LZTS3: variants seen among roughly 807,000 people sequenced by gnomAD.
The protein encoded by LZTS3 is leucine zipper putative tumor suppressor 3.
A neutral mutation model predicts 50.9 loss-of-function variants in LZTS3; 16 were observed. That is an observed-to-expected ratio of 0.31 (90% CI 0.21 to 0.48). The LOEUF is 0.48. Ranked by LOEUF, LZTS3 falls within the 20% of genes least tolerant of loss-of-function variation. The pLI is 0.99. For missense variants in LZTS3, 816 were observed against 931.0 expected (o/e 0.88, Z 1.61); for synonymous variants, 408 against 410.6 (o/e 0.99, Z 0.08).
In LZTS3 at chr20:3,171,662, CAA is replaced by C. The variant is rs35361315; in HGVS notation, c.-243+1791_-243+1792del. Among the ~76,000 whole-genome samples, 609 of 108,268 alleles carry C rather than the reference CAA, an allele frequency of 5.6e-3. 5 individuals carry two copies. The highest frequency in any genetic ancestry group is 0.016 in the African/African-American group (477 of 29,784). The allele number at this position is 108,268 out of a possible 152,430, so 71.0% of individuals were successfully genotyped here. A position where few individuals can be genotyped will look rare whatever the true frequency, so the allele number is the denominator to read the frequency against. ...TGGGCAACGGAGTGAGATACCCCCT[CAA>C]AAAAAAAAAAAAAAAAATCCCAGCA... On this transcript the variant is annotated intron_variant, in intron 1 of 4. Transcript: ENST00000337576.
In LZTS3 at chr20:3,165,371, T is replaced by C. The variant is rs73573817; in HGVS notation, c.1323+126A>G. On this transcript the variant is annotated intron_variant, in intron 4 of 4. Coordinates refer to ENST00000337576, the MANE Select transcript of LZTS3 (RefSeq NM_001365618.1). The surrounding 1 kb of genome is among the most constrained non-coding windows in gnomAD (Gnocchi z 5.0). ...CCTCACAGACACTCCCAATTGATTT[T>C]TGTCCCCCCTGCTCCTTTCATCCCC... 1.6e-3 allele frequency: 2,213 copies of C among 1,407,118 alleles called. 37 individuals carry two copies. In the African/African-American group the frequency reaches 0.029, roughly 19 times the overall value. 87.2% of individuals were successfully genotyped at this position (1,407,118 alleles called of 1,614,324 possible).
In LZTS3 at chr20:3,164,222, C is replaced by T; in HGVS notation, c.*232G>A. 1 of 446,388 alleles carries T rather than the reference C, an allele frequency of 2.2e-6. No individual in the cohort carries two copies. Among genetic ancestry groups the T allele is most frequent in the East Asian group, 3.6e-5 (1 of 27,884 alleles). The allele number at this position is 446,388 out of a possible 1,614,324, so 27.7% of individuals were successfully genotyped here. A position where few individuals can be genotyped will look rare whatever the true frequency, so the allele number is the denominator to read the frequency against. On this transcript the variant is annotated 3_prime_UTR_variant, in exon 5 of 5. Transcript: ENST00000337576. ...CACCACCTAGGATTGCCCCCACTCACCCTGCCCTCCTCCTATTCCCTCCTT... is the reference window on the plus strand; with the variant it reads ...CACCACCTAGGATTGCCCCCACTCATCCTGCCCTCCTCCTATTCCCTCCTT...
intron 1 of LZTS3, among the ~76,000 whole-genome samples, chr20:3,172,973 G>A (rs1456256657): frequency 1.3e-5 from 2 of 148,462 alleles, no homozygotes; most frequent in African/African-American, 4.9e-5. Flanking sequence ...TGAAGCCAGT[G>A]TTTCAGGACT....
rs2066794130 is a variant in LZTS3 at position 3,165,288 on chromosome 20, C to A, written c.1324-136G>T. On this transcript the variant is annotated intron_variant, in intron 4 of 4. Coordinates refer to ENST00000337576, the MANE Select transcript of LZTS3 (RefSeq NM_001365618.1). This position sits in a 1 kb window ranked among gnomAD's most constrained non-coding sequence, Gnocchi z 5.0. The stretch of plus-strand genomic sequence containing the variant: ...TCAGCCCCTCATCAGCAGCGACGCA[C>A]CCGATTCCCTGCCTGGACTCAAGAT... 8.6e-7 allele frequency: 1 copy of A among 1,166,578 alleles called. No individual in the cohort carries two copies. The highest frequency in any genetic ancestry group is 2.9e-5 in the Admixed American group (1 of 34,192). 72.3% of individuals were successfully genotyped at this position (1,166,578 alleles called of 1,614,324 possible).
At position 3,166,452 on chromosome 20, in the gene LZTS3, C is replaced by T. The variant is rs946607551; in HGVS notation, c.460-92G>A. 3.5e-6 allele frequency: 5 copies of T among 1,423,132 alleles called. No individual in the cohort carries two copies. In the African/African-American group the frequency reaches 5.7e-5, roughly 16 times the overall value. 88.2% of individuals were successfully genotyped at this position (1,423,132 alleles called of 1,614,324 possible). On this transcript the variant is annotated intron_variant, in intron 3 of 4. Coordinates refer to ENST00000337576, the MANE Select transcript of LZTS3 (RefSeq NM_001365618.1). Reference sequence around the variant, plus strand: ...TCTGGCCAAGACTTGTCCAGCCCCACCTCCCACCCCTACTGGATTTCCACC... The same window carrying T: ...TCTGGCCAAGACTTGTCCAGCCCCATCTCCCACCCCTACTGGATTTCCACC...
In LZTS3 at chr20:3,166,022, C is replaced by T. The variant is rs1178829533; in HGVS notation, c.798G>A (p.Gly266=). The T allele has an allele frequency of 5.0e-6, 8 of 1,612,596 alleles. No homozygotes were observed. Among genetic ancestry groups the T allele is most frequent in the African/African-American group, 4.0e-5 (3 of 74,956 alleles). The change falls in exon 4 of 5, where the codon GGG becomes GGA. Residue 266 remains glycine, a synonymous_variant. Transcript: ENST00000337576. ...TCCCCAGGTCCTGGTAGCCCGACCC[C>T]CCACCGCTGCTGCCGCCACTACCAC... is the stretch of plus-strand genomic sequence containing the variant. ...YGSGSGGSSG[G]GSGYQDLGTS...
chr20:3,164,306 G>A lies in LZTS3; in HGVS notation c.*148C>T, dbSNP rs2066772498. ...GTGCTGGAGCTAGGAGGGCAGGTGG[G>A]GAGGGAGGAACCTGGTCACAGCTGC... is the stretch of plus-strand genomic sequence containing the variant. On this transcript the variant is annotated 3_prime_UTR_variant, in exon 5 of 5. Transcript: ENST00000337576. The A allele has an allele frequency of 2.5e-6, 2 of 814,202 alleles. No individual in the cohort carries two copies. The highest frequency in any genetic ancestry group is 3.5e-6 in the Non-Finnish European group (2 of 566,190). 50.4% of individuals were successfully genotyped at this position (814,202 alleles called of 1,614,324 possible).
Position 3,165,034 on chromosome 20 carries a change from C to T in LZTS3, c.1442G>A (p.Arg481Gln). Residue 481 changes from arginine to glutamine, a missense_variant, in exon 5 of 5, where the codon CGG (arginine) becomes CAG (glutamine). Coordinates refer to ENST00000337576, the MANE Select transcript of LZTS3 (RefSeq NM_001365618.1). This position sits in a 1 kb window ranked among gnomAD's most constrained non-coding sequence, Gnocchi z 5.0. ...CTCCTCCTTCTCCCGCAGCGAAGCC[C>T]GGCCCTCCCGCAGCTGCGAGCGCAG... The part of the protein sequence containing the change: ...VGLRSQLREG[R>Q]ASLREKEEQL... The T allele has an allele frequency of 6.4e-7, 1 of 1,567,008 alleles. No homozygotes were observed. The highest frequency in any genetic ancestry group is 8.6e-7 in the Non-Finnish European group (1 of 1,157,288).
Position 3,166,303 on chromosome 20 carries a change from G to A in LZTS3, c.517C>T (p.His173Tyr), listed in dbSNP as rs747119980. The A allele has an allele frequency of 9.9e-6, 16 of 1,613,908 alleles. No individual in the cohort carries two copies. The African/African-American group carries it at 1.6e-4, about 16-fold the overall frequency. Residue 173 changes from histidine to tyrosine, a missense_variant, in exon 4 of 5, where the codon CAC becomes TAC. Transcript: ENST00000337576. ...GGGGGGCACAAATTCTGCATGGAGT[G>A]GAAATTCTTGGGTACGACAGGCTTG... ...AFKPVVPKNF[H>Y]SMQNLCPPQT...
rs201318288 is a variant in LZTS3 at position 3,166,826 on chromosome 20, C to T, written c.338G>A (p.Gly113Asp). Residue 113 changes from glycine (G) to aspartate (D), a missense_variant, in exon 3 of 5, where the codon GGC becomes GAC. Physicochemically the swap from Gly to Asp is moderately conservative, Grantham distance 94 (BLOSUM62 -1). Transcript: ENST00000337576. The part of the protein sequence containing the change: ...LRGSDHTDVC[G>D]NVVGSSGGSS... ...GCCTCCGCTGCTGCCAACCACGTTG[C>T]CACAGACATCGGTGTGGTCACTGCC... 1.8e-5 allele frequency: 29 copies of T among 1,613,770 alleles called. No individual in the cohort carries two copies. Among genetic ancestry groups the T allele is most frequent in the Non-Finnish European group, 2.3e-5 (27 of 1,180,018 alleles).
Position 3,165,671 on chromosome 20 carries a change from CTGGGCACGT to C in LZTS3, c.1140_1148del (p.Arg384_Gln386del). 1 of 1,586,626 alleles carries C rather than the reference CTGGGCACGT, an allele frequency of 6.3e-7. No homozygotes were observed. The stretch of plus-strand genomic sequence containing the variant: ...GCAGCTGTAGGCCCTGCTGGGCGCG[CTGGGCACGT>C]CGGGCCACCTGCTGTAGCTTCCCGC... On this transcript the variant is annotated inframe_deletion, in exon 4 of 5. Transcript: ENST00000337576. This position sits in a 1 kb window ranked among gnomAD's most constrained non-coding sequence, Gnocchi z 5.0.
rs909031690 is a variant in LZTS3 at position 3,167,420 on chromosome 20, C to T, written c.-18-239G>A. ...AACCCCCAGGGCTCCATGCACATAG[C>T]CCCCAGCGTTGCTCAGCTCAGCTCA... is the stretch of plus-strand genomic sequence containing the variant. On this transcript the variant is annotated intron_variant, in intron 2 of 4. Transcript: ENST00000337576. 7 of 996,724 alleles carry T rather than the reference C, an allele frequency of 7.0e-6. 1 individual carries two copies. Among genetic ancestry groups the T allele is most frequent in the South Asian group, 7.5e-5 (2 of 26,666 alleles). 61.7% of individuals were successfully genotyped at this position (996,724 alleles called of 1,614,324 possible).
At position 3,164,692 on chromosome 20, in the gene LZTS3, C is replaced by T. The variant is rs749165745; in HGVS notation, c.1784G>A (p.Gly595Asp). 1 of 1,586,812 alleles carries T rather than the reference C, an allele frequency of 6.3e-7. No homozygotes were observed. ...GCGGCGCTCCTCGGCGAAGCTGGCA[C>T]CCTGGCGCTCCCGGGCCCGCCGCTC... ...AAERRARERQGASFAEERRVW... is the reference protein window; with the variant it reads ...AAERRARERQDASFAEERRVW... Residue 595 changes from glycine (G) to aspartate (D), a missense_variant, in exon 5 of 5, where the codon GGT (glycine) becomes GAT (aspartate). Gly to Asp is a moderately conservative substitution (Grantham distance 94). Coordinates refer to ENST00000337576, the MANE Select transcript of LZTS3 (RefSeq NM_001365618.1).
intron 2 of LZTS3, chr20:3,167,430 TGCTCAGCTCAGCTCAGCTCA>T (rs112333966): frequency 2.5e-6 from 3 of 1,213,372 alleles, no homozygotes; most frequent in South Asian, 3.6e-5. Context: ...CCCCCAGCGT[TGCTCAGCTCAGCTCAGCTCA>T]GCTCAGCTCA....
chr20:3,171,147 A>C (rs1188215662), intron 1 of LZTS3, among the ~76,000 whole-genome samples: 1 of 152,152 alleles, frequency 6.6e-6, no homozygotes, highest in Non-Finnish European at 1.5e-5. Context: ...TATAAGGGGC[A>C]ATACAAACAT....
chr20:3,164,793 C>T lies in LZTS3; in HGVS notation c.1683G>A (p.Glu561=). The change falls in exon 5 of 5, where the codon GAG becomes GAA. Residue 561 remains glutamate, a synonymous_variant. Transcript: ENST00000337576. The part of the protein sequence containing the change: ...AAASLVSVDG[E]AEAGGESGTR... ...TCCCGCTCTCCCCGCCAGCCTCCGCCTCCCCGTCCACGGAAACCAAGGAGG... is the reference window on the plus strand; with the variant it reads ...TCCCGCTCTCCCCGCCAGCCTCCGCTTCCCCGTCCACGGAAACCAAGGAGG... 6.5e-7 allele frequency: 1 copy of T among 1,532,276 alleles called. No individual in the cohort carries two copies. The highest frequency in any genetic ancestry group is 1.4e-5 in the African/African-American group (1 of 71,760). The allele number at this position is 1,532,276 out of a possible 1,614,324, so 94.9% of individuals were successfully genotyped here.
chr20:3,170,486 C>CAAGAAAAAAAA (rs2066888546), intron 1 of LZTS3, among the ~76,000 whole-genome samples: 1 of 72,586 alleles, frequency 1.4e-5, no homozygotes, highest in Admixed American at 1.6e-4. Flanking sequence ...GAGACTACAT[C>CAAGAAAAAAAA]AAAAAAAAAA....
chr20:3,166,817 A>T lies in LZTS3; in HGVS notation c.347T>A (p.Val116Asp). Residue 116 changes from valine to aspartate, a missense_variant, in exon 3 of 5, where the codon GTT (valine) becomes GAT (aspartate). Coordinates refer to ENST00000337576, the MANE Select transcript of LZTS3 (RefSeq NM_001365618.1). ...GCTGCTGCTGCCTCCGCTGCTGCCA[A>T]CCACGTTGCCACAGACATCGGTGTG... is the stretch of plus-strand genomic sequence containing the variant. ...SDHTDVCGNV[V>D]GSSGGSSSSG... 6.2e-7 allele frequency: 1 copy of T among 1,613,916 alleles called. No homozygotes were observed. The highest frequency in any genetic ancestry group is 1.1e-5 in the South Asian group (1 of 91,078).
chr20:3,171,858 G>C (rs1205671010), intron 1 of LZTS3, among the ~76,000 whole-genome samples: 1 of 152,062 alleles, frequency 6.6e-6, no homozygotes. Context: ...TGACTGCCTC[G>C]ATCTCTGTCA....
Sources: gnomAD v4.1 joint callset for allele counts (sites outside exome capture counted in the v4.1 genomes callset) on GRCh38, gnomAD v4.1.1 for gene constraint, Gnocchi (gnomAD v3.1) non-coding constraint, MANE v1.5 for transcripts, NCBI Gene and HGNC (gene_info 2026-07-23, HGNC 2026-07-21) for gene names.